The following ROBO2 variants were observed in gnomAD, a reference collection of about 807,000 sequenced individuals.
ROBO2 encodes the protein roundabout guidance receptor 2.
A neutral mutation model predicts 160.8 loss-of-function variants in ROBO2; 53 were observed. The ratio of observed to expected loss-of-function variants is 0.33; its 90% confidence interval spans 0.26 to 0.41. The LOEUF is 0.41. Among genes scored for constraint, ROBO2 ranks in the 10% least tolerant of loss-of-function variants. ROBO2 has a pLI of 1.00. For synonymous variants in ROBO2, 664 were observed against 611.7 expected, an observed-to-expected ratio of 1.09 and a Z score of -1.26; for missense variants, 1,577 against 1,722.4, an observed-to-expected ratio of 0.92 and a Z score of 1.49.
chr3:76,252,902 A>G (rs1343938371), intron 2 of ROBO2, among the ~76,000 whole-genome samples: 2 of 151,926 alleles, frequency 1.3e-5, no homozygotes, highest in African/African-American at 4.8e-5. Context: ...CTCGGGCAGC[A>G]GTTAGTGCTG....
At chr3:77,589,239 C>T (rs1583139207) in intron 17 of ROBO2, among the ~76,000 whole-genome samples, 1 of 140,744 alleles carries the variant, frequency 7.1e-6, no homozygotes, top group Non-Finnish European at 1.6e-5. Flanking sequence ...CACACACACA[C>T]ATGCACACGC....
chr3:76,865,519 C>T (rs138412929), intron 2 of ROBO2, among the ~76,000 whole-genome samples: 138 of 152,186 alleles, frequency 9.1e-4, no homozygotes, highest in Non-Finnish European at 1.7e-3. Flanking sequence ...GTGCAGAAGA[C>T]ATTCTGGTTC....
chr3:76,623,128 G>C (rs1367277705), intron 2 of ROBO2, among the ~76,000 whole-genome samples: 1 of 152,140 alleles, frequency 6.6e-6, no homozygotes, highest in African/African-American at 2.4e-5. Context: ...ATACACTTGC[G>C]ACTGAATAAC....
At chr3:76,110,919 A>G (rs2070199961) in intron 2 of ROBO2, among the ~76,000 whole-genome samples, 1 of 152,104 alleles carries the variant, frequency 6.6e-6, no homozygotes, top group Admixed American at 6.6e-5. Flanking sequence ...TCTCTTTTCA[A>G]TCTTAATCTA....
At chr3:76,536,012 T>A (rs2082477984) in intron 2 of ROBO2, among the ~76,000 whole-genome samples, 1 of 152,148 alleles carries the variant, frequency 6.6e-6, no homozygotes, top group Admixed American at 6.5e-5. Flanking sequence ...TTGGGTGGTC[T>A]GATTTCCAGT....
chr3:76,604,442 G>C (rs960399766), intron 2 of ROBO2, among the ~76,000 whole-genome samples: 15 of 151,982 alleles, frequency 9.9e-5, no homozygotes, highest in African/African-American at 3.4e-4. Flanking sequence ...TCAGAATAAG[G>C]CATCATAAAT....
intron 2 of ROBO2, among the ~76,000 whole-genome samples, chr3:77,453,126 T>C (rs961105422): frequency 3.3e-5 from 5 of 152,196 alleles, no homozygotes; most frequent in Non-Finnish European, 5.9e-5. Context: ...TATTTTCTTA[T>C]TTATCTAAAC....
intron 2 of ROBO2, among the ~76,000 whole-genome samples, chr3:76,024,256 A>C (rs1212149884): frequency 6.6e-6 from 1 of 151,594 alleles, no homozygotes; most frequent in Non-Finnish European, 1.5e-5. Flanking sequence ...ATACTTTAAA[A>C]GGAAAGACGC....
At chr3:76,442,887 C>T (rs1306010920) in intron 2 of ROBO2, among the ~76,000 whole-genome samples, 1 of 152,054 alleles carries the variant, frequency 6.6e-6, no homozygotes, top group Non-Finnish European at 1.5e-5. Flanking sequence ...CTCCACTATG[C>T]CTAATTTATA....
chr3:77,470,924 G>A (rs2083291004), intron 2 of ROBO2, among the ~76,000 whole-genome samples: 1 of 152,170 alleles, frequency 6.6e-6, no homozygotes, highest in African/African-American at 2.4e-5. Flanking sequence ...TGTGTTCAGT[G>A]TTGTTTGGGT....
At chr3:76,427,166 T>C (rs2076253161) in intron 2 of ROBO2, among the ~76,000 whole-genome samples, 1 of 152,118 alleles carries the variant, frequency 6.6e-6, no homozygotes, top group African/African-American at 2.4e-5. Context: ...GATTCTCTTA[T>C]TAGGTGTGTT....
chr3:77,563,390 T>C, intron 11 of ROBO2, 61 bp downstream of exon 12: 11 of 1,472,332 alleles, frequency 7.5e-6, no homozygotes, highest in Non-Finnish European at 9.5e-6. Context: ...TTCTAAAATG[T>C]CACCTGAACT....
At chr3:77,298,773 T>C (rs1471609076) in intron 2 of ROBO2, among the ~76,000 whole-genome samples, 2 of 152,202 alleles carry the variant, frequency 1.3e-5, no homozygotes, top group Non-Finnish European at 2.9e-5. Flanking sequence ...CATTCATCTG[T>C]GCCTCCTGTG....
intron 2 of ROBO2, among the ~76,000 whole-genome samples, chr3:77,289,684 G>C (rs28647410): frequency 0.3 from 44,543 of 149,358 alleles, 7,627 homozygotes; most frequent in Middle Eastern, 0.44. Flanking sequence ...GGAAGTTGAG[G>C]CTAGAACACT....
chr3:76,640,596 A>C (rs7428449), intron 2 of ROBO2, among the ~76,000 whole-genome samples: 36,662 of 147,090 alleles, frequency 0.25, 4,850 homozygotes, highest in South Asian at 0.39. Flanking sequence ...TTTGCGTGTG[A>C]GTGTGTGTGT....
intron 2 of ROBO2, among the ~76,000 whole-genome samples, chr3:76,076,588 A>G (rs2068652977): frequency 6.6e-6 from 1 of 152,226 alleles, no homozygotes; most frequent in Non-Finnish European, 1.5e-5. Context: ...TGCAAGCTAT[A>G]AAATTAATTT....
intron 2 of ROBO2, among the ~76,000 whole-genome samples, chr3:76,489,184 T>G (rs1211544342): frequency 6.7e-6 from 1 of 150,112 alleles, no homozygotes; most frequent in Non-Finnish European, 1.5e-5. Flanking sequence ...TTAGGTTTTG[T>G]CACAACCTAA....
chr3:77,331,081 A>G (rs1348076981), intron 2 of ROBO2, among the ~76,000 whole-genome samples: 1 of 152,222 alleles, frequency 6.6e-6, no homozygotes, highest in Non-Finnish European at 1.5e-5. Context: ...GCCCTGAGGC[A>G]TTAATCATAC....
chr3:76,436,159 A>AACACACACACACACACAC (rs3065704), intron 2 of ROBO2, among the ~76,000 whole-genome samples: 6,918 of 140,480 alleles, frequency 0.049, 204 homozygotes, highest in South Asian at 0.098. Flanking sequence ...TTAAAAGGAA[A>AACACACACACACACACAC]ACACACACAC....
Sources: allele counts gnomAD v4.1 joint callset (sites outside exome capture counted in the v4.1 genomes callset), GRCh38; gene constraint gnomAD v4.1.1; transcripts MANE v1.5; gene names NCBI Gene and HGNC (gene_info 2026-07-23, HGNC 2026-07-21).